DNAH10: variants seen among roughly 807,000 people sequenced by gnomAD.
The protein encoded by DNAH10 is axonemal beta dynein heavy chain 10.
A neutral mutation model predicts 506.6 loss-of-function variants in DNAH10; 348 were observed. The ratio of observed to expected loss-of-function variants is 0.69; its 90% CI spans 0.63 to 0.75. The LOEUF is 0.75. Among genes scored for constraint, DNAH10 ranks in the 30% least tolerant of loss-of-function variants. The pLI is 0.00. For missense variants in DNAH10, 5,179 were observed against 5,787.1 expected (o/e 0.89, Z 3.41); for synonymous variants, 2,059 against 2,198.6 (o/e 0.94, Z 1.78).
chr12:123,929,201 C>A, intron 70 of DNAH10, 74 bp from the exon 71 acceptor site: 1 of 1,445,036 alleles, frequency 6.9e-7, no homozygotes, highest in Non-Finnish European at 9.5e-7. Context: ...AAGCGCAGTG[C>A]CTGCATTGTG....
At chr12:123,811,479 C>T (rs572971498) in intron 19 of DNAH10, among the ~76,000 whole-genome samples, 1 of 151,898 alleles carries the variant, frequency 6.6e-6, no homozygotes, top group East Asian at 1.9e-4. Context: ...TGTGCCATCA[C>T]ACCCAGATAA....
At chr12:123,837,406 T>C (rs1021010472) in intron 28 of DNAH10, among the ~76,000 whole-genome samples, 4 of 151,172 alleles carry the variant, frequency 2.6e-5, no homozygotes, top group African/African-American at 9.7e-5. Flanking sequence ...CAGAATACTT[T>C]AGAAATTACA....
At chr12:123,855,617 G>C (rs1037294164) in intron 36 of DNAH10, among the ~76,000 whole-genome samples, 2 of 143,776 alleles carry the variant, frequency 1.4e-5, no homozygotes, top group African/African-American at 5.2e-5. Context: ...CTGGGTGACA[G>C]AGCGAGACCC....
Position 123,928,668 on chromosome 12 carries a change from C to G in DNAH10, c.12306+81C>G, listed in dbSNP as rs1024097218. The G allele has an allele frequency of 6.9e-7, 1 of 1,446,988 alleles. No individual in the cohort carries two copies. The allele number at this position is 1,446,988 out of a possible 1,614,324, so 89.6% of individuals were successfully genotyped here. A position where few individuals can be genotyped will look rare whatever the true frequency, so the allele number is the denominator to read the frequency against. On this transcript the variant is annotated intron_variant, in intron 70 of 78. Coordinates refer to ENST00000673944, the MANE Select transcript of DNAH10 (RefSeq NM_001372106.1). The surrounding 1 kb of genome is among the most constrained non-coding windows in gnomAD (Gnocchi z 4.9). ...CATGCTGCTCTGGGGCCGGGGTGTG[C>G]CTTTGTCTGTGTAGAAATAAACCTT...
In DNAH10 at chr12:123,928,070, T is replaced by G. The variant is rs1955025013; in HGVS notation, c.12106-317T>G. ...GGCTTTAGCTGGTCTCTTGCAGCCCTGCTCAGGAGTCCTCAGGGGACAGGA... is the reference window on the plus strand; with the variant it reads ...GGCTTTAGCTGGTCTCTTGCAGCCCGGCTCAGGAGTCCTCAGGGGACAGGA... On this transcript the variant is annotated intron_variant, in intron 69 of 78. Coordinates refer to ENST00000673944, the MANE Select transcript of DNAH10 (RefSeq NM_001372106.1). The surrounding 1 kb of genome is among the most constrained non-coding windows in gnomAD (Gnocchi z 4.9). The G allele has an allele frequency of 2.2e-6, 1 of 454,826 alleles. No individual in the cohort carries two copies. The highest frequency in any genetic ancestry group is 4.0e-6 in the Non-Finnish European group (1 of 252,964). The allele number at this position is 454,826 out of a possible 1,614,324, so 28.2% of individuals were successfully genotyped here.
chr12:123,913,265 G>T lies in DNAH10; in HGVS notation c.10302G>T (p.Arg3434=). 1 of 1,607,210 alleles carries T rather than the reference G, an allele frequency of 6.2e-7. No individual in the cohort carries two copies. Among genetic ancestry groups the T allele is most frequent in the Non-Finnish European group, 8.5e-7 (1 of 1,177,208 alleles). Residue 3434 remains arginine (R), a synonymous_variant, in exon 60 of 79, where the codon CGG becomes CGT. Coordinates refer to ENST00000673944, the MANE Select transcript of DNAH10 (RefSeq NM_001372106.1). This position sits in a 1 kb window ranked among gnomAD's most constrained non-coding sequence, Gnocchi z 5.1. ...LQEEAEIMER[R]LIAADKLISG... is the part of the protein sequence containing the mutation. Reference sequence around the variant, plus strand: ...AAGAAGCCGAGATCATGGAGAGGCGGCTGATTGCCGCAGACAAACTCATCT... The same window carrying T: ...AAGAAGCCGAGATCATGGAGAGGCGTCTGATTGCCGCAGACAAACTCATCT...
rs1482302049 is a variant in DNAH10, at chr12:123,907,388, G to A, written c.9816-1873G>A. On this transcript the variant is annotated intron_variant, in intron 57 of 78. Transcript: ENST00000673944. The surrounding 1 kb of genome is among the most constrained non-coding windows in gnomAD (Gnocchi z 4.4). The stretch of plus-strand genomic sequence containing the variant: ...ATCATTCTCCCTTTCTCATTCCTGA[G>A]TTTGTTTTGTGATAGAAGAAAGGAA... Among the ~76,000 whole-genome samples the A allele has an allele frequency of 6.6e-6, 1 of 152,166 alleles. No homozygotes were observed. Among genetic ancestry groups the A allele is most frequent in the East Asian group, 1.9e-4 (1 of 5,196 alleles).
At chr12:123,914,220 C>T (rs1047591183) in intron 60 of DNAH10, 109 bp from the exon 61 acceptor site, 3 of 959,274 alleles carry the variant, frequency 3.1e-6, no homozygotes, top group Admixed American at 2.7e-5. Flanking sequence ...AACATGTTTC[C>T]ATCTGGCTAG....
chr12:123,859,139 T>G lies in DNAH10; in HGVS notation c.6631-11T>G. ...AATGTTTTAGCCCAGCTGCCATTGT[T>G]TGTCCCGCAGGTGGATAAAGTGGTT... is the stretch of plus-strand genomic sequence containing the variant. On this transcript the variant is annotated splice_polypyrimidine_tract_variant and intron_variant, in intron 37 of 78. Transcript: ENST00000673944. 1 of 1,603,390 alleles carries G rather than the reference T, an allele frequency of 6.2e-7. No individual in the cohort carries two copies. The highest frequency in any genetic ancestry group is 2.2e-5 in the East Asian group (1 of 44,610).
At chr12:123,792,279 T>A (rs2136227289) in intron 11 of DNAH10, among the ~76,000 whole-genome samples, 1 of 152,316 alleles carries the variant, frequency 6.6e-6, no homozygotes, top group South Asian at 2.1e-4. Flanking sequence ...TGCCTGGTTA[T>A]TTATGTACCC....
Position 123,910,623 on chromosome 12 carries a change from T to C in DNAH10, c.10085T>C (p.Val3362Ala). ...GGGATGCTGAAATTTGTTGAAGCTG[T>C]AATGGGCTACTGTGATGTTTTCAGA... is the stretch of plus-strand genomic sequence containing the variant. ...GLGMLKFVEA[V>A]MGYCDVFREI... The change falls in exon 59 of 79, where the codon GTA (valine) becomes GCA (alanine). Residue 3362 changes from valine (V) to alanine (A), a missense_variant. Coordinates refer to ENST00000673944, the MANE Select transcript of DNAH10 (RefSeq NM_001372106.1). 6.2e-7 allele frequency: 1 copy of C among 1,612,072 alleles called. No homozygotes were observed. The highest frequency in any genetic ancestry group is 8.5e-7 in the Non-Finnish European group (1 of 1,179,838).
chr12:123,794,945 C>T (rs540029630), intron 12 of DNAH10, among the ~76,000 whole-genome samples: 11 of 151,124 alleles, frequency 7.3e-5, no homozygotes, highest in African/African-American at 1.5e-4. Flanking sequence ...GTCAGGAGTT[C>T]GAGACCAGCC....
At chr12:123,887,401 C>T (rs1952784368) in intron 52 of DNAH10, 88 bp downstream of exon 52, 1 of 1,445,984 alleles carries the variant, frequency 6.9e-7, no homozygotes, top group Non-Finnish European at 9.2e-7. Context: ...CACCTCCAGA[C>T]ACTGTGGGTA....
Position 123,796,681 on chromosome 12 carries a change from T to C in DNAH10, c.2012T>C (p.Val671Ala). The change falls in exon 13 of 79, where the codon GTC (valine) becomes GCC (alanine). Residue 671 changes from valine to alanine, a missense_variant. By Grantham distance (64) the Val-to-Ala change is moderately conservative. Coordinates refer to ENST00000673944, the MANE Select transcript of DNAH10 (RefSeq NM_001372106.1). ...KEIDIINKIF[V>A]QNLENPPLYK... ...ATTGACATCATTAATAAAATCTTTG[T>C]CCAGAACCTTGAAAATCCACCACTG... is the stretch of plus-strand genomic sequence containing the variant. 6.2e-7 allele frequency: 1 copy of C among 1,611,874 alleles called. No homozygotes were observed. Among genetic ancestry groups the C allele is most frequent in the Non-Finnish European group, 8.5e-7 (1 of 1,179,320 alleles).
chr12:123,797,194 G>C (rs1479885387), intron 13 of DNAH10, among the ~76,000 whole-genome samples: 1 of 151,978 alleles, frequency 6.6e-6, no homozygotes. Flanking sequence ...TTTAATCCTA[G>C]ACTGGCTGCC....
intron 1 of DNAH10, among the ~76,000 whole-genome samples, chr12:123,765,564 T>TTATC (rs142140309): frequency 0.15 from 21,745 of 149,296 alleles, 1,759 homozygotes; most frequent in Non-Finnish European, 0.19. Context: ...TATCTATACT[T>TTATC]TATCTATCTA....
chr12:123,918,814 C>T lies in DNAH10; in HGVS notation c.11371C>T (p.Gln3791Ter). Residue 3791 changes from glutamine to a stop codon, truncating the protein, a stop_gained, in exon 65 of 79, where the codon CAG becomes TAG. Transcript: ENST00000673944. LOFTEE classifies it high-confidence loss of function. Reference protein sequence around the residue: ...SEMALVNSMYQYSLIAFLEVF... With the variant: ...SEMALVNSMY Reference sequence around the variant, plus strand: ...GATGGCCCTGGTGAACTCCATGTACCAGTACTCCCTGATTGCCTTCTTAGA... The same window carrying T: ...GATGGCCCTGGTGAACTCCATGTACTAGTACTCCCTGATTGCCTTCTTAGA... 6.2e-7 allele frequency: 1 copy of T among 1,613,940 alleles called. No individual in the cohort carries two copies. Among genetic ancestry groups the T allele is most frequent in the East Asian group, 2.2e-5 (1 of 44,872 alleles).
At chr12:123,852,526 A>G (rs765063937) in intron 35 of DNAH10, among the ~76,000 whole-genome samples, 11 of 151,276 alleles carry the variant, frequency 7.3e-5, no homozygotes, top group Non-Finnish European at 1.6e-4. Context: ...TGGGTTTTGA[A>G]CCCTTGCCAT....
chr12:123,902,848 A>G lies in DNAH10; in HGVS notation c.9641-91A>G. The G allele has an allele frequency of 2.1e-6, 3 of 1,438,396 alleles. No individual in the cohort carries two copies. In the South Asian group the frequency reaches 4.4e-5, roughly 21 times the overall value. 89.1% of individuals were successfully genotyped at this position (1,438,396 alleles called of 1,614,324 possible). A position where few individuals can be genotyped will look rare whatever the true frequency, so the allele number is the denominator to read the frequency against. On this transcript the variant is annotated intron_variant, in intron 56 of 78. Coordinates refer to ENST00000673944, the MANE Select transcript of DNAH10 (RefSeq NM_001372106.1). The surrounding 1 kb of genome is among the most constrained non-coding windows in gnomAD (Gnocchi z 4.5). ...TAGATCCCCGCTAGGGCTCAAGCCAACCTTTGAGGACTGCACTCTGCTCAG... is the reference window on the plus strand; with the variant it reads ...TAGATCCCCGCTAGGGCTCAAGCCAGCCTTTGAGGACTGCACTCTGCTCAG...
Sources: allele counts gnomAD v4.1 joint callset (sites outside exome capture counted in the v4.1 genomes callset), GRCh38; gene constraint gnomAD v4.1.1; non-coding constraint Gnocchi (gnomAD v3.1); transcripts MANE v1.5; gene names NCBI Gene and HGNC (gene_info 2026-07-23, HGNC 2026-07-21).